Variants in RAF1 observed in about 807,000 individuals in gnomAD.
RAF1 encodes the protein RAF proto-oncogene serine/threonine-protein kinase.
Under a neutral mutation model 81.1 loss-of-function variants are expected in RAF1, and 27 were observed. That is an observed-to-expected ratio of 0.33 (90% CI 0.25 to 0.46). The LOEUF is 0.46. Ranked by LOEUF, RAF1 falls within the 20% of genes least tolerant of loss-of-function variation. The pLI is 1.00. For missense variants in RAF1, 598 were observed against 826.0 expected, an observed-to-expected ratio of 0.72 and a Z score of 3.38; for synonymous variants, 298 against 294.0, an observed-to-expected ratio of 1.01 and a Z score of -0.14.
At chr3:12,616,853 A>G (rs1343550663) in intron 2 of RAF1, among the ~76,000 whole-genome samples, 3 of 152,242 alleles carry the variant, frequency 2.0e-5, no homozygotes, top group African/African-American at 7.2e-5. Flanking sequence ...TCCACCAAGC[A>G]AAACCAATGC....
intron 1 of RAF1, among the ~76,000 whole-genome samples, chr3:12,660,102 T>G (rs189857677): frequency 9.2e-5 from 14 of 152,280 alleles, no homozygotes; most frequent in Admixed American, 3.3e-4. Flanking sequence ...TGCTTAATCT[T>G]CAGAGCAAAC....
intron 1 of RAF1, among the ~76,000 whole-genome samples, chr3:12,650,733 T>G (rs1314724217): frequency 6.6e-6 from 1 of 152,152 alleles, no homozygotes; most frequent in Non-Finnish European, 1.5e-5. Context: ...CACCACCGTT[T>G]AACAAAAATT....
At chr3:12,595,300 G>C (rs770864923) in intron 11 of RAF1, among the ~76,000 whole-genome samples, 2 of 152,030 alleles carry the variant, frequency 1.3e-5, no homozygotes, top group African/African-American at 4.8e-5. Context: ...TCAAATTCCT[G>C]ACTTCAAGTG....
chr3:12,591,911 A>C, intron 11 of RAF1, 119 bp from the exon 11 acceptor site: 1 of 826,210 alleles, frequency 1.2e-6, no homozygotes, highest in Non-Finnish European at 2.0e-6. Context: ...CTACACAGAT[A>C]CGGCAAATTT....
At chr3:12,629,468 A>C (rs12487981) in intron 1 of RAF1, among the ~76,000 whole-genome samples, 3,270 of 152,326 alleles carry the variant, frequency 0.021, 46 homozygotes, top group Admixed American at 0.048. Context: ...AATGCTTATT[A>C]TGTATCAGTT....
chr3:12,602,506 C>T (rs781030683), intron 8 of RAF1, among the ~76,000 whole-genome samples: 11 of 152,162 alleles, frequency 7.2e-5, no homozygotes, highest in Non-Finnish European at 1.3e-4. Context: ...TGCACACCAC[C>T]AAGCCCAGCT....
chr3:12,591,045 G>A (rs2058500318), intron 12 of RAF1, 71 bp from the exon 12 acceptor site: 1 of 1,425,350 alleles, frequency 7.0e-7, no homozygotes, highest in East Asian at 2.3e-5. Flanking sequence ...GCTTTCCCGT[G>A]GACAGTGGGT....
chr3:12,611,845 T>C, intron 3 of RAF1, 105 bp downstream of exon 3: 2 of 853,264 alleles, frequency 2.3e-6, no homozygotes, highest in Admixed American at 1.7e-5. Context: ...TATAGAAATA[T>C]ACAATATTCT....
At chr3:12,635,024 T>A (rs1484232706) in intron 1 of RAF1, among the ~76,000 whole-genome samples, 1 of 152,100 alleles carries the variant, frequency 6.6e-6, no homozygotes, top group East Asian at 1.9e-4. Context: ...TGTTTAATAC[T>A]TCTTTAAGAC....
At chr3:12,585,357 AT>A in intron 15 of RAF1, 104 bp from the exon 15 acceptor site, 1 of 1,570,884 alleles carries the variant, frequency 6.4e-7, no homozygotes, top group Non-Finnish European at 8.6e-7. Context: ...GAATGAGTCC[AT>A]TCTTCAGTCC....
chr3:12,606,188 G>A lies in RAF1; in HGVS notation c.680+13C>T. 1 of 1,599,560 alleles carries A rather than the reference G, an allele frequency of 6.3e-7. No homozygotes were observed. The highest frequency in any genetic ancestry group is 8.6e-7 in the Non-Finnish European group (1 of 1,167,016). ...ATAACTTTCTAAAAGAAAAGCTATAGGTAAAAAATTACCTAACAGGCATCC... is the reference window on the plus strand; with the variant it reads ...ATAACTTTCTAAAAGAAAAGCTATAAGTAAAAAATTACCTAACAGGCATCC... On this transcript the variant is annotated intron_variant, in intron 6 of 17. Coordinates refer to ENST00000442415, the MANE Select transcript of RAF1 (RefSeq NM_001354689.3).
At chr3:12,632,445 T>G (rs1361470702) in intron 1 of RAF1, among the ~76,000 whole-genome samples, 3 of 152,092 alleles carry the variant, frequency 2.0e-5, no homozygotes, top group African/African-American at 7.2e-5. Context: ...AGGTTTAACC[T>G]GGAAAAGGAG....
At position 12,657,763 on chromosome 3, in the gene RAF1, C is replaced by T. The variant is rs549833334; in HGVS notation, c.-27+6050G>A. Among the ~76,000 whole-genome samples the T allele has an allele frequency of 8.6e-4, 128 of 148,032 alleles. 1 individual carries two copies. The highest frequency in any genetic ancestry group is 3.1e-3 in the African/African-American group (122 of 39,962). On this transcript the variant is annotated intron_variant, in intron 1 of 17. Coordinates refer to ENST00000442415, the MANE Select transcript of RAF1 (RefSeq NM_001354689.3). ...TCCAGCCTGGGCAACAAGAGCAAAA[C>T]ATCTCAAAAAAAAAAAAGTACACAA... is the stretch of plus-strand genomic sequence containing the variant.
At chr3:12,638,005 A>T (rs1014333377) in intron 1 of RAF1, among the ~76,000 whole-genome samples, 1 of 152,088 alleles carries the variant, frequency 6.6e-6, no homozygotes, top group Non-Finnish European at 1.5e-5. Context: ...ACCTCCCCTG[A>T]CCACCCTGGT....
intron 1 of RAF1, among the ~76,000 whole-genome samples, chr3:12,635,571 G>C (rs530611088): frequency 6.8e-6 from 1 of 148,004 alleles, no homozygotes; most frequent in Non-Finnish European, 1.5e-5. Flanking sequence ...GGGAAGCAGA[G>C]GTTGCAGTGA....
intron 1 of RAF1, among the ~76,000 whole-genome samples, chr3:12,624,463 AT>A (rs2059640909): frequency 6.6e-6 from 1 of 152,226 alleles, no homozygotes; most frequent in African/African-American, 2.4e-5. Context: ...ACCTTCAAAT[AT>A]AAGCATAGAT....
intron 1 of RAF1, among the ~76,000 whole-genome samples, chr3:12,642,844 G>A (rs2060236184): frequency 6.6e-6 from 1 of 150,746 alleles, no homozygotes; most frequent in South Asian, 2.1e-4. Flanking sequence ...CCATGATCAC[G>A]TCACTGTACT....
chr3:12,623,169 T>C (rs1411372802), intron 1 of RAF1, among the ~76,000 whole-genome samples: 1 of 152,208 alleles, frequency 6.6e-6, no homozygotes, highest in Non-Finnish European at 1.5e-5. Flanking sequence ...GCCACACTTG[T>C]GCCCCTGCAC....
rs374044897 is a variant in RAF1, at chr3:12,584,934, C to T, written c.1776G>A (p.Lys592=). The change falls in exon 17 of 18, where the codon AAG becomes AAA. Residue 592 remains lysine (K), a synonymous_variant. Coordinates refer to ENST00000442415, the MANE Select transcript of RAF1 (RefSeq NM_001354689.3). The stretch of plus-strand genomic sequence containing the variant: ...TTGCTTTGGGGCAGTTCTTATATAG[C>T]TTACTAAGATCTGGGGAGGCATATC... 1 of 1,614,068 alleles carries T rather than the reference C, an allele frequency of 6.2e-7. No homozygotes were observed. The highest frequency in any genetic ancestry group is 8.5e-7 in the Non-Finnish European group (1 of 1,180,040).
Sources: gnomAD v4.1 joint callset for allele counts (sites outside exome capture counted in the v4.1 genomes callset) on GRCh38, gnomAD v4.1.1 for gene constraint, MANE v1.5 for transcripts, NCBI Gene and HGNC (gene_info 2026-07-23, HGNC 2026-07-21) for gene names.